Variants in SOCS7 observed in about 807,000 individuals in gnomAD.
The protein encoded by SOCS7 is suppressor of cytokine signaling 7, also known as NAP-4.
A neutral mutation model predicts 58.9 loss-of-function variants in SOCS7; 18 were observed. That is an observed-to-expected ratio of 0.31 (90% CI 0.21 to 0.45). SOCS7 has a LOEUF of 0.45. Ranked by LOEUF, SOCS7 falls within the 20% of genes least tolerant of loss-of-function variation. The probability of loss-of-function intolerance (pLI) is 1.00; values close to 1 mark genes in which losing one functional copy is unlikely to be tolerated. For missense variants in SOCS7, 667 were observed against 837.3 expected (o/e 0.80, Z 2.51); for synonymous variants, 388 against 364.3 (o/e 1.06, Z -0.74).
In SOCS7 at chr17:38,356,600, G is replaced by A. The variant is rs139019900; in HGVS notation, c.980+3568G>A. ...GGCTGGTCTCGAACTCCTGAGCTCA[G>A]GCAGTCCGCCCACCGCAGTCTCCCA... On this transcript the variant is annotated intron_variant, in intron 1 of 9. Transcript: ENST00000612932. 1.3e-3 allele frequency among the ~76,000 whole-genome samples: 192 copies of A among 152,054 alleles called. 3 individuals are homozygous for A. In the East Asian group the frequency reaches 0.036, roughly 29 times the overall value.
chr17:38,360,108 C>T (rs776225346), intron 1 of SOCS7, among the ~76,000 whole-genome samples: 1 of 151,764 alleles, frequency 6.6e-6, no homozygotes, highest in East Asian at 1.9e-4. Flanking sequence ...GCAAAATTTA[C>T]CCTTTTAAGT....
intron 7 of SOCS7, among the ~76,000 whole-genome samples, chr17:38,388,749 C>T (rs1314583899): frequency 6.6e-6 from 1 of 152,136 alleles, no homozygotes; most frequent in Non-Finnish European, 1.5e-5. Flanking sequence ...TGGAATCATA[C>T]AATATTTTTA....
At chr17:38,358,062 G>C (rs587745514) in intron 1 of SOCS7, among the ~76,000 whole-genome samples, 1 of 152,282 alleles carries the variant, frequency 6.6e-6, no homozygotes, top group East Asian at 1.9e-4. Flanking sequence ...CTGACACAAA[G>C]GACTGCTGGC....
At position 38,389,881 on chromosome 17, in the gene SOCS7, A is replaced by ATATATATG. The variant is rs2038139599; in HGVS notation, c.1682-5427_1682-5426insATATATGT. 1.7e-3 allele frequency among the ~76,000 whole-genome samples: 178 copies of ATATATATG among 103,592 alleles called. 6 individuals carry two copies. The highest frequency in any genetic ancestry group is 5.2e-3 in the East Asian group (20 of 3,824). 68.0% of individuals were successfully genotyped at this position (103,592 alleles called of 152,430 possible). On this transcript the variant is annotated intron_variant, in intron 7 of 9. Coordinates refer to ENST00000612932, the MANE Select transcript of SOCS7 (RefSeq NM_014598.4). The stretch of plus-strand genomic sequence containing the variant: ...TGTATGTGTGTACATATATATATAT[A>ATATATATG]TGTACATATATATATATACACATAT...
At chr17:38,359,277 T>C (rs1235652605) in intron 1 of SOCS7, among the ~76,000 whole-genome samples, 1 of 152,196 alleles carries the variant, frequency 6.6e-6, no homozygotes, top group African/African-American at 2.4e-5. Flanking sequence ...GGAGAAACTG[T>C]GTGGCCATAT....
At chr17:38,377,441 A>G (rs1281190495) in intron 6 of SOCS7, among the ~76,000 whole-genome samples, 1 of 152,182 alleles carries the variant, frequency 6.6e-6, no homozygotes, top group Non-Finnish European at 1.5e-5. Context: ...AATCTGAAAC[A>G]CTTCTGGTCT....
chr17:38,387,102 A>AAAAAT (rs1244894607), intron 7 of SOCS7, among the ~76,000 whole-genome samples: 68 of 51,066 alleles, frequency 1.3e-3, no homozygotes, highest in Middle Eastern at 0.02. Context: ...AAAAAAAAAA[A>AAAAAT]ATATATATAT....
intron 7 of SOCS7, among the ~76,000 whole-genome samples, chr17:38,379,993 G>A (rs995388471): frequency 6.6e-5 from 10 of 152,312 alleles, no homozygotes; most frequent in Middle Eastern, 6.8e-3. Context: ...AAAGCATGTG[G>A]TGGTAACCAG....
intron 7 of SOCS7, among the ~76,000 whole-genome samples, chr17:38,387,129 G>GTGTGTATATATATATATATATATATA (rs1555570683): frequency 1.1e-4 from 7 of 64,700 alleles, no homozygotes; most frequent in South Asian, 9.4e-4. Flanking sequence ...ATATATATAT[G>GTGTGTATATATATATATATATATATA]TATGTATATA....
chr17:38,369,932 G>A (rs986075788), intron 6 of SOCS7, among the ~76,000 whole-genome samples: 6 of 151,912 alleles, frequency 3.9e-5, no homozygotes, highest in African/African-American at 9.7e-5. Context: ...TGGTATTACA[G>A]GTGCCCGCCA....
intron 6 of SOCS7, among the ~76,000 whole-genome samples, chr17:38,370,334 G>A (rs889987621): frequency 2.0e-5 from 3 of 152,074 alleles, no homozygotes; most frequent in Non-Finnish European, 4.4e-5. Flanking sequence ...TTGCTTCCTT[G>A]AATAAGTAGA....
intron 7 of SOCS7, among the ~76,000 whole-genome samples, chr17:38,379,122 C>T (rs1249192653): frequency 1.4e-5 from 2 of 147,362 alleles, no homozygotes; most frequent in African/African-American, 2.5e-5. Flanking sequence ...TACGTCACTG[C>T]ACTCCAGCCT....
chr17:38,369,826 T>G (rs1043648832), intron 6 of SOCS7, among the ~76,000 whole-genome samples: 1 of 151,422 alleles, frequency 6.6e-6, no homozygotes, highest in African/African-American at 2.4e-5. Flanking sequence ...AGTTTCGCTC[T>G]GTCACCAGGC....
At chr17:38,384,974 G>A (rs2038050659) in intron 7 of SOCS7, among the ~76,000 whole-genome samples, 1 of 138,132 alleles carries the variant, frequency 7.2e-6, no homozygotes, top group African/African-American at 2.8e-5. Flanking sequence ...TCAGCTCACT[G>A]CAACCTCCGC....
intron 2 of SOCS7, among the ~76,000 whole-genome samples, chr17:38,362,868 T>C (rs6503544): frequency 0.22 from 33,446 of 152,144 alleles, 4,849 homozygotes; most frequent in East Asian, 0.42. Flanking sequence ...CCCAGCACTT[T>C]GGGAGGTTGA....
intron 2 of SOCS7, 73 bp downstream of exon 2, chr17:38,361,848 C>G: frequency 1.9e-6 from 2 of 1,055,820 alleles, no homozygotes; most frequent in Non-Finnish European, 2.8e-6. Flanking sequence ...GAAACACTTA[C>G]AGATGCATCA....
intron 7 of SOCS7, among the ~76,000 whole-genome samples, chr17:38,387,600 C>T (rs1457749435): frequency 2.2e-4 from 20 of 89,642 alleles, no homozygotes; most frequent in African/African-American, 1.5e-3. Context: ...ATATTATATA[C>T]ACAATATATT....
chr17:38,352,356 A>G lies in SOCS7; in HGVS notation c.304A>G (p.Lys102Glu). The G allele has an allele frequency of 6.9e-7, 1 of 1,456,684 alleles. No individual in the cohort carries two copies. The allele number at this position is 1,456,684 out of a possible 1,614,324, so 90.2% of individuals were successfully genotyped here. ...CCGGCACCGCTGTGCCCTGGACCCC[A>G]AGGCCCTGCCGCCGGGCTTGGCGCT... ...CPRHRCALDP[K>E]ALPPGLALER... The change falls in exon 1 of 10, where the codon AAG becomes GAG. Residue 102 changes from lysine (K) to glutamate (E), a missense_variant. This residue lies in a region of SOCS7 where 154 missense variants were observed against 156.3 expected (regional missense o/e 0.98). Transcript: ENST00000612932. The surrounding 1 kb of genome is among the most constrained non-coding windows in gnomAD (Gnocchi z 5.5).
chr17:38,386,417 A>G (rs1597706165), intron 7 of SOCS7, among the ~76,000 whole-genome samples: 2 of 151,584 alleles, frequency 1.3e-5, no homozygotes, highest in East Asian at 3.9e-4. Context: ...AGCTGTGTTC[A>G]TGCCACTGCA....
Sources: allele counts gnomAD v4.1 joint callset (sites outside exome capture counted in the v4.1 genomes callset), GRCh38; gene constraint gnomAD v4.1.1; regional missense constraint gnomAD v4.1.1; non-coding constraint Gnocchi (gnomAD v3.1); transcripts MANE v1.5; gene names NCBI Gene and HGNC (gene_info 2026-07-23, HGNC 2026-07-21).